Variants in PDCD2 observed in about 807,000 individuals in gnomAD.
The protein encoded by PDCD2 is programmed cell death 2, also known as uS5 assembly chaperone PDCD2.
A neutral mutation model predicts 38.1 loss-of-function variants in PDCD2; 38 were observed. That is an observed-to-expected ratio of 1.00 (90% CI 0.77 to 1.31). PDCD2 has a LOEUF of 1.31. Ranked by LOEUF, PDCD2 falls within the 50% of genes most tolerant of loss-of-function variation. The pLI, the probability that PDCD2 is intolerant of heterozygous loss-of-function variation, is 0.00. For missense variants in PDCD2, 473 were observed against 435.7 expected, an observed-to-expected ratio of 1.09 and a Z score of -0.76; for synonymous variants, 205 against 168.9, an observed-to-expected ratio of 1.21 and a Z score of -1.66.
rs1338717671 is a variant in PDCD2, at chr6:170,583,579, T to G, written c.452A>C (p.Lys151Thr). ...LGPKTCSRCHKAYYCSKEHQT... is the reference protein window; with the variant it reads ...LGPKTCSRCHTAYYCSKEHQT... The stretch of plus-strand genomic sequence containing the variant: ...ATGCTCCTTGCTGCAGTAATATGCT[T>G]TGTGGCATCTGGAGCACGTTTTGGG... Residue 151 changes from lysine (K) to threonine (T), a missense_variant, in exon 2 of 6, where the codon AAA (lysine) becomes ACA (threonine). Coordinates refer to ENST00000541970, the MANE Select transcript of PDCD2 (RefSeq NM_002598.4). 1.2e-6 allele frequency: 2 copies of G among 1,613,932 alleles called. No homozygotes were observed. The highest frequency in any genetic ancestry group is 3.3e-5 in the Admixed American group (2 of 60,020).
In PDCD2 at chr6:170,584,466, C is replaced by A; in HGVS notation, c.116G>T (p.Gly39Val). ...CTGGGGCCCCGGCAGCCCGGCCGCG[C>A]CCAGCCATGCCGGCCGCCCGCCCAC... ...SKVGGRPAWL[G>V]AAGLPGPQAL... is the part of the protein sequence containing the mutation. The change falls in exon 1 of 6, where the codon GGC (glycine) becomes GTC (valine). Residue 39 changes from glycine to valine, a missense_variant. Coordinates refer to ENST00000541970, the MANE Select transcript of PDCD2 (RefSeq NM_002598.4). 1 of 1,310,220 alleles carries A rather than the reference C, an allele frequency of 7.6e-7. No individual in the cohort carries two copies. The highest frequency in any genetic ancestry group is 9.6e-7 in the Non-Finnish European group (1 of 1,037,448). 81.2% of individuals were successfully genotyped at this position (1,310,220 alleles called of 1,614,324 possible). A position where few individuals can be genotyped will look rare whatever the true frequency, so the allele number is the denominator to read the frequency against.
intron 3 of PDCD2, chr6:170,582,489 G>C: frequency 7.3e-7 from 1 of 1,377,196 alleles, no homozygotes; most frequent in South Asian, 1.5e-5. Flanking sequence ...CCTTCAAAAT[G>C]GGGCAGTTTC....
rs1779462603 is a variant in PDCD2 at position 170,576,850 on chromosome 6, T to C, written c.*709A>G. 1 of 152,270 alleles carries C rather than the reference T, an allele frequency of 6.6e-6. No homozygotes were observed. Among genetic ancestry groups the C allele is most frequent in the Non-Finnish European group, 1.5e-5 (1 of 68,074 alleles). 9.4% of individuals were successfully genotyped at this position (152,270 alleles called of 1,614,324 possible). On this transcript the variant is annotated 3_prime_UTR_variant, in exon 6 of 6. Coordinates refer to ENST00000541970, the MANE Select transcript of PDCD2 (RefSeq NM_002598.4). ...GGCTGACCAAGATCAGTTCTGAAGG[T>C]CCAGCCTCTTTAAATTCCAGTTCTG... is the stretch of plus-strand genomic sequence containing the variant.
chr6:170,577,574 T>C lies in PDCD2; in HGVS notation c.1020A>G (p.Val340=), dbSNP rs750109537. 6.2e-7 allele frequency: 1 copy of C among 1,614,062 alleles called. No individual in the cohort carries two copies. Among genetic ancestry groups the C allele is most frequent in the East Asian group, 2.2e-5 (1 of 44,862 alleles). ...TAAGATGCCTTTACGGTGTATCTGT[T>C]ACATCCTGCTTCCACACAAATTCTT... ...YTEEFVWKQD[V]TDTP is the part of the protein sequence containing the mutation. The change falls in exon 6 of 6, where the codon GTA becomes GTG. Residue 340 remains valine (V), a synonymous_variant. Transcript: ENST00000541970.
At chr6:170,577,883 T>C (rs1405458202) in intron 5 of PDCD2, among the ~76,000 whole-genome samples, 166 bp from the exon 6 acceptor site, 2 of 152,266 alleles carry the variant, frequency 1.3e-5, no homozygotes, top group African/African-American at 4.8e-5. Flanking sequence ...AACTTCCTTA[T>C]GACTTCAAAG....
At chr6:170,578,548 C>T in intron 5 of PDCD2, 1 of 689,456 alleles carries the variant, frequency 1.5e-6, no homozygotes, top group South Asian at 1.6e-5. Flanking sequence ...TTTAAAATAA[C>T]AAAAGTTAAC....
intron 3 of PDCD2, chr6:170,581,847 C>G (rs899033303): frequency 3.5e-6 from 1 of 281,950 alleles, no homozygotes; most frequent in Non-Finnish European, 6.9e-6. Context: ...TTGAAGTCAC[C>G]TGGAAGAGTT....
rs1779442789 is a variant in PDCD2, at chr6:170,575,992, A to C, written c.*1567T>G. 6.6e-6 allele frequency: 1 copy of C among 152,240 alleles called. No homozygotes were observed. The highest frequency in any genetic ancestry group is 1.5e-5 in the Non-Finnish European group (1 of 68,050). 9.4% of individuals were successfully genotyped at this position (152,240 alleles called of 1,614,324 possible). ...TTAGATATAAAGGCCCCACTAGTCC[A>C]GGTTTCCTTATGCCACTGTGCTTCC... On this transcript the variant is annotated 3_prime_UTR_variant, in exon 6 of 6. Transcript: ENST00000541970.
chr6:170,583,542 G>C lies in PDCD2; in HGVS notation c.489C>G (p.Asp163Glu), dbSNP rs1447401472. The stretch of plus-strand genomic sequence containing the variant: ...AAGCCTGCTTATGTCCCAATCTCCA[G>C]TCTAGGGTCTGATGCTCCTTGCTGC... ...YYCSKEHQTLDWRLGHKQACA... is the reference protein window; with the variant it reads ...YYCSKEHQTLEWRLGHKQACA... The change falls in exon 2 of 6, where the codon GAC becomes GAG. Residue 163 changes from aspartate (D) to glutamate (E), a missense_variant. Coordinates refer to ENST00000541970, the MANE Select transcript of PDCD2 (RefSeq NM_002598.4). 1.2e-6 allele frequency: 2 copies of C among 1,613,720 alleles called. No individual in the cohort carries two copies. Among genetic ancestry groups the C allele is most frequent in the South Asian group, 1.1e-5 (1 of 91,072 alleles).
In PDCD2 at chr6:170,584,416, G is replaced by A. The variant is rs1779743267; in HGVS notation, c.166C>T (p.Arg56Cys). ...ACCTGCAGCAGGAAGGAGAGCGGGC[G>A]GCCGCACAGCTCGCAGGCCAGGGCC... ...PQALACELCG[R>C]PLSFLLQVYA... The change falls in exon 1 of 6, where the codon CGC (arginine) becomes TGC (cysteine). Residue 56 changes from arginine to cysteine, a missense_variant. Arg to Cys is a radical substitution (Grantham distance 180). Transcript: ENST00000541970. 8 of 1,410,332 alleles carry A rather than the reference G, an allele frequency of 5.7e-6. No individual in the cohort carries two copies. Among genetic ancestry groups the A allele is most frequent in the Admixed American group, 2.8e-5 (1 of 35,712 alleles). The allele number at this position is 1,410,332 out of a possible 1,614,324, so 87.4% of individuals were successfully genotyped here. A position where few individuals can be genotyped will look rare whatever the true frequency, so the allele number is the denominator to read the frequency against.
chr6:170,583,017 T>A lies in PDCD2; in HGVS notation c.658+40A>T, dbSNP rs79226996. On this transcript the variant is annotated intron_variant, in intron 3 of 5. Coordinates refer to ENST00000541970, the MANE Select transcript of PDCD2 (RefSeq NM_002598.4). Reference sequence around the variant, plus strand: ...ATGGAGCCCTTTCTTCCAAGTATTATGTTTAACCACTTAATGAATGAAGTC... The same window carrying A: ...ATGGAGCCCTTTCTTCCAAGTATTAAGTTTAACCACTTAATGAATGAAGTC... 6.9e-4 allele frequency: 1,100 copies of A among 1,593,518 alleles called. 6 individuals are homozygous for A. The African/African-American group carries it at 0.014, about 20-fold the overall frequency.
rs1182596138 is a variant in PDCD2, at chr6:170,576,166, T to A, written c.*1393A>T. The A allele has an allele frequency of 2.6e-5, 4 of 152,228 alleles. No individual in the cohort carries two copies. The highest frequency in any genetic ancestry group is 5.9e-5 in the Non-Finnish European group (4 of 68,046). The allele number at this position is 152,228 out of a possible 1,614,324, so 9.4% of individuals were successfully genotyped here. A position where few individuals can be genotyped will look rare whatever the true frequency, so the allele number is the denominator to read the frequency against. On this transcript the variant is annotated 3_prime_UTR_variant, in exon 6 of 6. Transcript: ENST00000541970. ...TATCCTCTAGCTCTTAAGTAGCTGA[T>A]AACCTCCCCATGGGAGAAACTCCAT...
At chr6:170,584,111 G>C (rs1302825545) in intron 1 of PDCD2, 188 bp downstream of exon 1, 9 of 575,042 alleles carry the variant, frequency 1.6e-5, no homozygotes, top group Non-Finnish European at 1.9e-5. Context: ...ACAGTTAGAA[G>C]CTTATGTAGC....
rs963019371 is a variant in PDCD2 at position 170,581,392 on chromosome 6, C to A, written c.659-1287G>T. Reference sequence around the variant, plus strand: ...AGTTTTTTTAAAGTATCATTTTGAACCCATTAAACATATCTGATGCAGTTA... The same window carrying A: ...AGTTTTTTTAAAGTATCATTTTGAAACCATTAAACATATCTGATGCAGTTA... On this transcript the variant is annotated intron_variant, in intron 3 of 5. Coordinates refer to ENST00000541970, the MANE Select transcript of PDCD2 (RefSeq NM_002598.4). The A allele has an allele frequency of 4.6e-5, 7 of 152,008 alleles. 1 individual carries two copies. Among genetic ancestry groups the A allele is most frequent in the Admixed American group, 1.3e-4 (2 of 15,250 alleles). 9.4% of individuals were successfully genotyped at this position (152,008 alleles called of 1,614,324 possible). A position where few individuals can be genotyped will look rare whatever the true frequency, so the allele number is the denominator to read the frequency against.
intron 3 of PDCD2, 24 bp downstream of exon 3, chr6:170,583,029 TAATG>T (rs1397941350): frequency 5.0e-6 from 8 of 1,600,344 alleles, no homozygotes; most frequent in South Asian, 4.5e-5. Flanking sequence ...TTTAACCACT[TAATG>T]AATGAAGTCC....
chr6:170,583,475 G>T, intron 2 of PDCD2, 30 bp downstream of exon 2: 1 of 1,589,882 alleles, frequency 6.3e-7, no homozygotes, highest in Non-Finnish European at 8.6e-7. Flanking sequence ...CGATGAAACT[G>T]AACTGAGACT....
chr6:170,579,121 CCA>C, intron 4 of PDCD2, 151 bp from the exon 5 acceptor site: 2 of 573,664 alleles, frequency 3.5e-6, no homozygotes, highest in Non-Finnish European at 6.1e-6. Context: ...CCTGGCTGTA[CCA>C]GTGTGCCACT....
Position 170,577,527 on chromosome 6 carries a change from T to C in PDCD2, c.*32A>G. On this transcript the variant is annotated 3_prime_UTR_variant, in exon 6 of 6. Coordinates refer to ENST00000541970, the MANE Select transcript of PDCD2 (RefSeq NM_002598.4). ...AAATGGAATTGCAAGGTATAAAAGATTATTAACATTTTTCAAGGCTTTAAG... is the reference window on the plus strand; with the variant it reads ...AAATGGAATTGCAAGGTATAAAAGACTATTAACATTTTTCAAGGCTTTAAG... 6.3e-7 allele frequency: 1 copy of C among 1,578,836 alleles called. No individual in the cohort carries two copies. The highest frequency in any genetic ancestry group is 8.7e-7 in the Non-Finnish European group (1 of 1,150,276).
chr6:170,578,393 G>A, intron 5 of PDCD2: 1 of 510,454 alleles, frequency 2.0e-6, no homozygotes, highest in Non-Finnish European at 3.4e-6. Context: ...AAATCCTTTT[G>A]GGCAGGGAAG....
Sources: gnomAD v4.1 joint callset for allele counts (sites outside exome capture counted in the v4.1 genomes callset) on GRCh38, gnomAD v4.1.1 for gene constraint, MANE v1.5 for transcripts, NCBI Gene and HGNC (gene_info 2026-07-23, HGNC 2026-07-21) for gene names.